STARD3NL: variants seen among roughly 807,000 people sequenced by gnomAD.
STARD3NL encodes STARD3 N-terminal like, also known as STARD3 N-terminal-like protein.
In STARD3NL, 17 loss-of-function variants were observed where a neutral mutation model predicts 30.9. That is an observed-to-expected ratio of 0.55 (90% CI 0.38 to 0.82). STARD3NL has a LOEUF of 0.82. STARD3NL is among the 40% of genes least tolerant of loss of function. STARD3NL has a pLI of 0.00. For synonymous variants in STARD3NL, 112 were observed against 100.5 expected, an observed-to-expected ratio of 1.11 and a Z score of -0.69; for missense variants, 234 against 277.6, an observed-to-expected ratio of 0.84 and a Z score of 1.12.
intron 1 of STARD3NL, among the ~76,000 whole-genome samples, chr7:38,180,099 G>T (rs928658050): frequency 1.3e-5 from 2 of 152,214 alleles, no homozygotes; most frequent in African/African-American, 4.8e-5. Flanking sequence ...GATAATTTGT[G>T]TACTGCAGAG....
intron 1 of STARD3NL, among the ~76,000 whole-genome samples, chr7:38,188,691 C>T (rs963920375): frequency 2.0e-5 from 3 of 152,202 alleles, no homozygotes; most frequent in Non-Finnish European, 4.4e-5. Flanking sequence ...GATTCAGCTT[C>T]TCAATGTATA....
chr7:38,206,347 A>G (rs1344315830), intron 1 of STARD3NL, among the ~76,000 whole-genome samples: 9 of 152,178 alleles, frequency 5.9e-5, no homozygotes, highest in African/African-American at 1.9e-4. Context: ...TGCCACGTTC[A>G]TGGCTAAAGA....
intron 7 of STARD3NL, among the ~76,000 whole-genome samples, chr7:38,225,986 A>T (rs1387585088): frequency 6.6e-6 from 1 of 152,156 alleles, no homozygotes; most frequent in Non-Finnish European, 1.5e-5. Context: ...CATTTTTCTG[A>T]CATTTTCCTC....
rs183150937 is a variant in STARD3NL, at chr7:38,219,420, T to C, written c.554-145T>C. ...GTTTGTCATTTGTTAATGAAACTTA[T>C]TGTTTGGTTGAAACATTTTTAAAGT... On this transcript the variant is annotated intron_variant, in intron 6 of 8. Coordinates refer to ENST00000009041, the MANE Select transcript of STARD3NL (RefSeq NM_032016.4). The C allele has an allele frequency of 5.0e-5, 27 of 540,042 alleles. No individual in the cohort carries two copies. The East Asian group carries it at 7.5e-4, about 15-fold the overall frequency. The allele number at this position is 540,042 out of a possible 1,614,324, so 33.5% of individuals were successfully genotyped here. A position where few individuals can be genotyped will look rare whatever the true frequency, so the allele number is the denominator to read the frequency against.
chr7:38,199,443 A>G (rs562122926), intron 1 of STARD3NL, among the ~76,000 whole-genome samples: 2 of 152,292 alleles, frequency 1.3e-5, no homozygotes, highest in African/African-American at 2.4e-5. Context: ...TGCAGTTGAT[A>G]TTTGTTCTGT....
intron 1 of STARD3NL, 94 bp downstream of exon 1, chr7:38,178,514 G>A (rs182173392): frequency 9.8e-5 from 15 of 152,694 alleles, no homozygotes; most frequent in African/African-American, 3.6e-4. Context: ...GGGACCCGCG[G>A]ACGGAGGCCA....
chr7:38,213,959 C>T (rs995898813), intron 2 of STARD3NL, among the ~76,000 whole-genome samples: 8 of 152,178 alleles, frequency 5.3e-5, no homozygotes, highest in Non-Finnish European at 2.9e-5. Flanking sequence ...GAGTCTTGGC[C>T]TTCCAAGACC....
chr7:38,210,468 C>T (rs902216332), intron 2 of STARD3NL, among the ~76,000 whole-genome samples: 5 of 152,190 alleles, frequency 3.3e-5, no homozygotes, highest in Admixed American at 3.3e-4. Flanking sequence ...CCATCCCAGC[C>T]TCAAATGCAG....
intron 1 of STARD3NL, among the ~76,000 whole-genome samples, chr7:38,193,060 G>T (rs865878022): frequency 6.6e-6 from 1 of 152,118 alleles, no homozygotes; most frequent in African/African-American, 2.4e-5. Flanking sequence ...TTAAGAGAGT[G>T]AAACAGATAT....
chr7:38,212,902 C>T (rs543878659), intron 2 of STARD3NL, among the ~76,000 whole-genome samples: 39 of 152,216 alleles, frequency 2.6e-4, no homozygotes, highest in African/African-American at 9.2e-4. Context: ...TTTAAGACAT[C>T]TTGAGGTAGA....
intron 7 of STARD3NL, among the ~76,000 whole-genome samples, chr7:38,227,872 A>G (rs1049159158): frequency 2.0e-5 from 3 of 152,100 alleles, no homozygotes; most frequent in African/African-American, 7.2e-5. Context: ...TATATTATTC[A>G]TATTCTGCTT....
chr7:38,211,207 T>A (rs1583812440), intron 2 of STARD3NL, among the ~76,000 whole-genome samples: 2 of 152,352 alleles, frequency 1.3e-5, no homozygotes, highest in South Asian at 2.1e-4. Context: ...TCATTCCTAC[T>A]ATGCTCTATA....
chr7:38,203,495 G>A (rs1254392367), intron 1 of STARD3NL, among the ~76,000 whole-genome samples: 1 of 152,110 alleles, frequency 6.6e-6, no homozygotes, highest in Non-Finnish European at 1.5e-5. Flanking sequence ...ACATGGAAAG[G>A]AACAACCGAT....
rs145176525 is a variant in STARD3NL at position 38,181,634 on chromosome 7, A to C, written c.-59+3214A>C. 6.6e-4 allele frequency among the ~76,000 whole-genome samples: 101 copies of C among 152,330 alleles called. No individual in the cohort carries two copies. In the East Asian group the frequency reaches 0.012, roughly 18 times the overall value. On this transcript the variant is annotated intron_variant, in intron 1 of 8. Transcript: ENST00000009041. ...TCTTTAGAATAATTTTAATGGAATT[A>C]GTATCTTCTTTTTTAAATATTGGAA...
chr7:38,226,890 C>T (rs1251972663), intron 7 of STARD3NL, among the ~76,000 whole-genome samples: 1 of 152,194 alleles, frequency 6.6e-6, no homozygotes. Context: ...CCTCCATGCC[C>T]ATTGAGCTGG....
intron 3 of STARD3NL, 51 bp downstream of exon 3, chr7:38,214,485 G>A (rs781609972): frequency 8.4e-7 from 1 of 1,191,756 alleles, no homozygotes; most frequent in Non-Finnish European, 1.2e-6. Context: ...GACCCAAAAG[G>A]CAGATTTCCT....
At chr7:38,203,813 G>A (rs887845063) in intron 1 of STARD3NL, among the ~76,000 whole-genome samples, 2 of 152,228 alleles carry the variant, frequency 1.3e-5, no homozygotes, top group African/African-American at 4.8e-5. Flanking sequence ...AACAAAAAAA[G>A]GCAGGGGTTG....
chr7:38,206,691 G>T (rs920781747), intron 1 of STARD3NL, among the ~76,000 whole-genome samples: 1 of 152,106 alleles, frequency 6.6e-6, no homozygotes, highest in African/African-American at 2.4e-5. Context: ...TAAGAGGATG[G>T]GGAAATGCTA....
At chr7:38,219,847 A>T (rs1786349300) in intron 7 of STARD3NL, among the ~76,000 whole-genome samples, 187 bp downstream of exon 7, 1 of 152,218 alleles carries the variant, frequency 6.6e-6, no homozygotes, top group African/African-American at 2.4e-5. Context: ...AGTTGTAAAA[A>T]TAAATGTCAT....
Sources: gnomAD v4.1 joint callset for allele counts (sites outside exome capture counted in the v4.1 genomes callset) on GRCh38, gnomAD v4.1.1 for gene constraint, MANE v1.5 for transcripts, NCBI Gene and HGNC (gene_info 2026-07-23, HGNC 2026-07-21) for gene names.